DCDC1: variants seen among roughly 807,000 people sequenced by gnomAD.
DCDC1 encodes doublecortin domain-containing protein 1.
A neutral mutation model predicts 178.3 loss-of-function variants in DCDC1; 200 were observed. The ratio of observed to expected loss-of-function variants is 1.12; its 90% CI spans 1.00 to 1.26. The LOEUF (loss-of-function observed/expected upper bound fraction) is 1.26, where lower values mean the gene tolerates loss of function less well. Among genes scored for constraint, DCDC1 ranks in the 50% most tolerant of loss-of-function variants. DCDC1 has a pLI of 0.00. For missense variants in DCDC1, 1,983 were observed against 1,749.2 expected, an observed-to-expected ratio of 1.13 and a Z score of -2.38; for synonymous variants, 690 against 604.8, an observed-to-expected ratio of 1.14 and a Z score of -2.07.
chr11:31,137,037 G>T (rs985293784), intron 10 of DCDC1, among the ~76,000 whole-genome samples: 1 of 152,094 alleles, frequency 6.6e-6, no homozygotes, highest in African/African-American at 2.4e-5. Flanking sequence ...GCAAGATATA[G>T]TATTTATCAA....
At chr11:30,965,475 C>A (rs974878846) in intron 20 of DCDC1, among the ~76,000 whole-genome samples, 1 of 151,884 alleles carries the variant, frequency 6.6e-6, no homozygotes, top group Non-Finnish European at 1.5e-5. Context: ...GGGATGGGAC[C>A]CACACCATCC....
chr11:31,282,649 G>A (rs1489340607), intron 7 of DCDC1, among the ~76,000 whole-genome samples: 1 of 151,948 alleles, frequency 6.6e-6, no homozygotes, highest in African/African-American at 2.4e-5. Context: ...GAATGTACCA[G>A]GTACATTTAA....
chr11:31,295,731 A>T (rs1467771872), intron 6 of DCDC1, among the ~76,000 whole-genome samples: 1 of 152,140 alleles, frequency 6.6e-6, no homozygotes, highest in Non-Finnish European at 1.5e-5. Flanking sequence ...GGTTCAACTG[A>T]GAGTATTCCC....
chr11:31,140,402 C>A (rs1565337662), intron 9 of DCDC1, among the ~76,000 whole-genome samples: 1 of 152,108 alleles, frequency 6.6e-6, no homozygotes, highest in Non-Finnish European at 1.5e-5. Context: ...TATATCTTGT[C>A]CCTTTTAAAT....
At chr11:30,895,236 A>G (rs1361344210) in intron 34 of DCDC1, among the ~76,000 whole-genome samples, 1 of 152,200 alleles carries the variant, frequency 6.6e-6, no homozygotes, top group Admixed American at 6.5e-5. Flanking sequence ...ATGCAAGCAC[A>G]AACATGTTGG....
At chr11:31,081,437 G>A (rs978808245) in intron 17 of DCDC1, among the ~76,000 whole-genome samples, 2 of 151,876 alleles carry the variant, frequency 1.3e-5, no homozygotes, top group Admixed American at 6.6e-5. Context: ...GTGAAACCTC[G>A]TCTCTACTAA....
rs926152080 is a variant in DCDC1, at chr11:30,896,883, C to A, written c.4766-2499G>T. The stretch of plus-strand genomic sequence containing the variant: ...GCTTACCAGTGAAATGTAAAGTCAG[C>A]CTAGCACAGTGGTTTGTACATAGCA... On this transcript the variant is annotated intron_variant, in intron 34 of 38. Coordinates refer to ENST00000684477, the MANE Select transcript of DCDC1 (RefSeq NM_001387274.1). 2.0e-5 allele frequency among the ~76,000 whole-genome samples: 3 copies of A among 152,162 alleles called. No individual in the cohort carries two copies. The South Asian group carries it at 6.2e-4, about 32-fold the overall frequency.
rs375171815 is a variant in DCDC1 at position 31,048,770 on chromosome 11, C to G, written c.2591+15699G>C. ...TACTCGGGAGGCTGAGGCAGGAGAA[C>G]GGCGTGAACCCGGGAGGCGGGGCTT... On this transcript the variant is annotated intron_variant, in intron 20 of 38. Coordinates refer to ENST00000684477, the MANE Select transcript of DCDC1 (RefSeq NM_001387274.1). Among the ~76,000 whole-genome samples the G allele has an allele frequency of 2.3e-4, 35 of 152,046 alleles. 1 individual carries two copies. In the East Asian group the frequency reaches 5.6e-3, roughly 24 times the overall value.
chr11:31,258,126 TG>T (rs1263463296), intron 8 of DCDC1, among the ~76,000 whole-genome samples: 1 of 152,162 alleles, frequency 6.6e-6, no homozygotes, highest in Non-Finnish European at 1.5e-5. Flanking sequence ...TAAAAATAGA[TG>T]GGCCTGAGAT....
chr11:31,055,828 A>T (rs913222425), intron 20 of DCDC1, among the ~76,000 whole-genome samples: 8 of 152,106 alleles, frequency 5.3e-5, no homozygotes, highest in African/African-American at 1.9e-4. Context: ...ATAAGGATAC[A>T]ATGGACTTTG....
intron 3 of DCDC1, among the ~76,000 whole-genome samples, chr11:31,310,608 T>C (rs1374928602): frequency 5.9e-5 from 9 of 152,034 alleles, no homozygotes; most frequent in African/African-American, 2.2e-4. Context: ...GCGCCCAGCC[T>C]CAGTAGTTCT....
chr11:30,960,069 A>G (rs1949004641), intron 20 of DCDC1, among the ~76,000 whole-genome samples: 1 of 152,154 alleles, frequency 6.6e-6, no homozygotes, highest in African/African-American at 2.4e-5. Flanking sequence ...TCTCTATCTG[A>G]TCATACTCTC....
intron 6 of DCDC1, among the ~76,000 whole-genome samples, chr11:31,295,142 T>A (rs1026919448): frequency 6.6e-6 from 1 of 152,264 alleles, no homozygotes; most frequent in Non-Finnish European, 1.5e-5. Flanking sequence ...CACATCCCCC[T>A]GTGTACTTTA....
chr11:31,207,211 G>A (rs1179867640), intron 9 of DCDC1, among the ~76,000 whole-genome samples: 1 of 152,116 alleles, frequency 6.6e-6, no homozygotes, highest in Non-Finnish European at 1.5e-5. Flanking sequence ...ATGTAAAAGT[G>A]CTTAGGCCTG....
intron 8 of DCDC1, among the ~76,000 whole-genome samples, chr11:31,251,239 G>A (rs1387623458): frequency 6.6e-6 from 1 of 152,098 alleles, no homozygotes; most frequent in Admixed American, 6.5e-5. Flanking sequence ...CTATACACAG[G>A]GTGCTATGAA....
chr11:31,355,015 C>T (rs1318269294), intron 1 of DCDC1, among the ~76,000 whole-genome samples: 1 of 151,778 alleles, frequency 6.6e-6, no homozygotes, highest in Non-Finnish European at 1.5e-5. Context: ...CAGTGCAACA[C>T]CACTGTAAAT....
chr11:31,128,578 A>C (rs559727285), intron 10 of DCDC1, among the ~76,000 whole-genome samples: 2 of 152,300 alleles, frequency 1.3e-5, no homozygotes, highest in East Asian at 1.9e-4. Flanking sequence ...TGATTCTTCA[A>C]ATTAAACAAA....
chr11:31,127,993 A>G (rs1387047109), intron 10 of DCDC1, among the ~76,000 whole-genome samples: 1 of 152,144 alleles, frequency 6.6e-6, no homozygotes, highest in African/African-American at 2.4e-5. Context: ...AAATAATCCA[A>G]TGTATGTAAC....
intron 25 of DCDC1, among the ~76,000 whole-genome samples, chr11:30,920,033 G>C (rs889439675): frequency 2.6e-5 from 4 of 152,118 alleles, no homozygotes; most frequent in African/African-American, 7.2e-5. Flanking sequence ...AGATAAGTAC[G>C]GGGCAAGTAA....
Sources: gnomAD v4.1 joint callset for allele counts (sites outside exome capture counted in the v4.1 genomes callset) on GRCh38, gnomAD v4.1.1 for gene constraint, MANE v1.5 for transcripts, NCBI Gene and HGNC (gene_info 2026-07-23, HGNC 2026-07-21) for gene names.